Variants in HMCN1 observed in about 807,000 individuals in gnomAD.
The protein encoded by HMCN1 is hemicentin-1.
In HMCN1, 321 loss-of-function variants were observed where a neutral mutation model predicts 625.9. That is an observed-to-expected ratio of 0.51 (90% CI 0.47 to 0.56). The LOEUF (loss-of-function observed/expected upper bound fraction) is 0.56, where lower values mean the gene tolerates loss of function less well. Ranked by LOEUF, HMCN1 falls within the 20% of genes least tolerant of loss-of-function variation. HMCN1 has a pLI of 0.00. For missense variants in HMCN1, 6,588 were observed against 6,887.3 expected (o/e 0.96, Z 1.54); for synonymous variants, 2,425 against 2,417.6 (o/e 1.00, Z -0.09).
chr1:185,891,441 G>A (rs906432956), intron 4 of HMCN1, among the ~76,000 whole-genome samples: 10 of 148,348 alleles, frequency 6.7e-5, no homozygotes, highest in East Asian at 1.9e-4. Flanking sequence ...ATTTTGCAGC[G>A]GCTGGTACCG....
chr1:185,994,077 T>C (rs947707559), intron 23 of HMCN1, among the ~76,000 whole-genome samples: 2 of 152,138 alleles, frequency 1.3e-5, no homozygotes, highest in South Asian at 2.1e-4. Context: ...ATAAGGTTGT[T>C]AGTGACAACC....
intron 4 of HMCN1, among the ~76,000 whole-genome samples, chr1:185,872,876 T>C (rs1663705783): frequency 6.6e-6 from 1 of 152,140 alleles, no homozygotes; most frequent in African/African-American, 2.4e-5. Flanking sequence ...TATGAAAGTA[T>C]TATCCCATAA....
At chr1:186,015,085 A>G in intron 30 of HMCN1, 74 bp from the exon 31 acceptor site, 1 of 1,312,372 alleles carries the variant, frequency 7.6e-7, no homozygotes, top group East Asian at 2.3e-5. Flanking sequence ...TTGTTTAAAC[A>G]TCTATAGCAT....
rs911729933 is a variant in HMCN1, at chr1:186,189,644, A to G, written c.16674A>G (p.Thr5558=). Residue 5558 remains threonine, a synonymous_variant, in exon 107 of 107, where the codon ACA becomes ACG. Transcript: ENST00000271588. The part of the protein sequence containing the change: ...NQDLIRLVAY[T]QDGVMHPRTT... Reference sequence around the variant, plus strand: ...ATTTAATCCGGCTGGTTGCATACACACAGGATGGAGTGATGCATCCCAGGA... The same window carrying G: ...ATTTAATCCGGCTGGTTGCATACACGCAGGATGGAGTGATGCATCCCAGGA... 6.2e-7 allele frequency: 1 copy of G among 1,612,618 alleles called. No homozygotes were observed. Among genetic ancestry groups the G allele is most frequent in the Non-Finnish European group, 8.5e-7 (1 of 1,179,138 alleles).
At chr1:186,086,864 A>G (rs1659528784) in intron 58 of HMCN1, among the ~76,000 whole-genome samples, 1 of 147,666 alleles carries the variant, frequency 6.8e-6, no homozygotes, top group African/African-American at 2.4e-5. Flanking sequence ...AGATAGATAG[A>G]TAGATTAGAC....
intron 103 of HMCN1, 22 bp downstream of exon 103, chr1:186,174,664 G>A (rs373066495): frequency 1.2e-6 from 2 of 1,613,244 alleles, no homozygotes; most frequent in African/African-American, 2.7e-5. Flanking sequence ...GGAACTTGTT[G>A]AGCAATAAAG....
chr1:185,943,222 G>A (rs978999595), intron 11 of HMCN1, among the ~76,000 whole-genome samples: 5 of 152,122 alleles, frequency 3.3e-5, no homozygotes, highest in African/African-American at 9.7e-5. Context: ...CTGACAAGGC[G>A]GTTGTGGGAA....
rs1003393654 is a variant in HMCN1, at chr1:185,858,639, C to T, written c.340-5831C>T. Among the ~76,000 whole-genome samples, 71 of 70,700 alleles carry T rather than the reference C, an allele frequency of 1.0e-3. 1 individual carries two copies. The highest frequency in any genetic ancestry group is 3.6e-3 in the African/African-American group (65 of 17,874). 46.4% of individuals were successfully genotyped at this position (70,700 alleles called of 152,430 possible). ...TTTTTTTTTTTTTTTTTTTTAGAGACGGGGATTTCCTCTGTTGCACAGGCT... is the reference window on the plus strand; with the variant it reads ...TTTTTTTTTTTTTTTTTTTTAGAGATGGGGATTTCCTCTGTTGCACAGGCT... On this transcript the variant is annotated intron_variant, in intron 2 of 106. Coordinates refer to ENST00000271588, the MANE Select transcript of HMCN1 (RefSeq NM_031935.3).
At chr1:186,017,815 C>T (rs1654462073) in intron 33 of HMCN1, among the ~76,000 whole-genome samples, 1 of 151,878 alleles carries the variant, frequency 6.6e-6, no homozygotes, top group Admixed American at 6.6e-5. Context: ...TGGGTGTATA[C>T]ATTTATGGGT....
At chr1:186,013,528 G>A (rs918544315) in intron 30 of HMCN1, among the ~76,000 whole-genome samples, 1 of 152,060 alleles carries the variant, frequency 6.6e-6, no homozygotes, top group African/African-American at 2.4e-5. Flanking sequence ...AAATATTAAG[G>A]TACACCACTC....
intron 28 of HMCN1, among the ~76,000 whole-genome samples, chr1:186,002,544 A>G (rs1385492447): frequency 2.6e-5 from 4 of 152,096 alleles, no homozygotes; most frequent in Admixed American, 2.6e-4. Context: ...TTTAAGTATG[A>G]GTTATAAAAA....
chr1:186,138,069 A>T, intron 89 of HMCN1, 97 bp downstream of exon 89: 1 of 1,280,814 alleles, frequency 7.8e-7, no homozygotes, highest in South Asian at 1.3e-5. Flanking sequence ...TTGTAAAAAG[A>T]TGTTATGGCC....
intron 80 of HMCN1, among the ~76,000 whole-genome samples, chr1:186,120,716 T>C (rs1558238698): frequency 6.6e-6 from 1 of 152,220 alleles, no homozygotes; most frequent in Non-Finnish European, 1.5e-5. Context: ...AATTTTCCTA[T>C]GGTAGATTCA....
At chr1:185,935,206 C>T (rs1022131163) in intron 11 of HMCN1, among the ~76,000 whole-genome samples, 2 of 151,456 alleles carry the variant, frequency 1.3e-5, no homozygotes, top group African/African-American at 4.9e-5. Context: ...AAATCAGAGC[C>T]TTCCTTGTTT....
intron 48 of HMCN1, among the ~76,000 whole-genome samples, chr1:186,062,818 C>T (rs1657798934): frequency 6.6e-6 from 1 of 151,622 alleles, no homozygotes; most frequent in Non-Finnish European, 1.5e-5. Context: ...CAATCCCTCT[C>T]CCACCCTCTC....
chr1:185,970,550 T>A, intron 15 of HMCN1, 57 bp downstream of exon 15: 1 of 1,421,686 alleles, frequency 7.0e-7, no homozygotes, highest in Non-Finnish European at 1.0e-6. Flanking sequence ...TTATTTTTCA[T>A]GTTTAATAAC....
chr1:185,966,640 C>T (rs1190098856), intron 14 of HMCN1, among the ~76,000 whole-genome samples: 1 of 152,142 alleles, frequency 6.6e-6, no homozygotes, highest in Non-Finnish European at 1.5e-5. Context: ...AACACCCTAA[C>T]TGGGAGGTTG....
intron 16 of HMCN1, among the ~76,000 whole-genome samples, chr1:185,980,002 A>G (rs1651503137): frequency 6.6e-6 from 1 of 152,080 alleles, no homozygotes; most frequent in Non-Finnish European, 1.5e-5. Context: ...CGCAACCTAT[A>G]ACTCAGTAGT....
chr1:186,093,007 C>T (rs916746627), intron 64 of HMCN1, 127 bp from the exon 65 acceptor site: 7 of 1,217,104 alleles, frequency 5.8e-6, no homozygotes, highest in Non-Finnish European at 7.3e-6. Flanking sequence ...AGACTCGCTA[C>T]TGTAGAATTT....
Sources: allele counts gnomAD v4.1 joint callset (sites outside exome capture counted in the v4.1 genomes callset), GRCh38; gene constraint gnomAD v4.1.1; transcripts MANE v1.5; gene names NCBI Gene and HGNC (gene_info 2026-07-23, HGNC 2026-07-21).